The following TET3 variants were observed in gnomAD, a reference collection of about 807,000 sequenced individuals.
TET3 encodes the protein methylcytosine dioxygenase TET3.
A neutral mutation model predicts 141.4 loss-of-function variants in TET3; 19 were observed. That is an observed-to-expected ratio of 0.13 (90% confidence interval 0.09 to 0.20). The LOEUF is 0.20. Among genes scored for constraint, TET3 ranks in the 10% least tolerant of loss-of-function variants. TET3 has a pLI of 1.00. For missense variants in TET3, 1,874 were observed against 2,356.9 expected (o/e 0.80, Z 4.24); for synonymous variants, 1,043 against 980.9 (o/e 1.06, Z -1.18).
chr2:74,078,062 A>G (rs1414237705), intron 5 of TET3, among the ~76,000 whole-genome samples: 2 of 152,220 alleles, frequency 1.3e-5, no homozygotes, highest in African/African-American at 4.8e-5. Context: ...TTAATGTTGT[A>G]ATTATCAGAA....
intron 3 of TET3, among the ~76,000 whole-genome samples, chr2:74,021,459 A>C (rs1047132775): frequency 6.6e-6 from 1 of 152,266 alleles, no homozygotes; most frequent in South Asian, 2.1e-4. Context: ...ATCAGCACTG[A>C]CCACTGAATG....
intron 4 of TET3, 78 bp from the exon 5 acceptor site, chr2:74,073,471 C>G: frequency 8.9e-7 from 1 of 1,121,056 alleles, no homozygotes; most frequent in Non-Finnish European, 1.3e-6. Flanking sequence ...TATTAACTTT[C>G]CTGTTGGTGG....
intron 11 of TET3, among the ~76,000 whole-genome samples, chr2:74,100,179 C>A (rs1691098763): frequency 6.6e-6 from 1 of 152,142 alleles, no homozygotes; most frequent in South Asian, 2.1e-4. Flanking sequence ...CCTCCTCCCA[C>A]CCCCAGTGGG....
At chr2:74,030,787 A>C (rs1686639039) in intron 3 of TET3, among the ~76,000 whole-genome samples, 1 of 152,126 alleles carries the variant, frequency 6.6e-6, no homozygotes, top group African/African-American at 2.4e-5. Flanking sequence ...CCACCTCCTG[A>C]GTTTGTCCTT....
chr2:74,024,296 G>A (rs978831681), intron 3 of TET3, among the ~76,000 whole-genome samples: 24 of 152,230 alleles, frequency 1.6e-4, no homozygotes, highest in Non-Finnish European at 2.9e-4. Context: ...GTTGGAACTT[G>A]TGCAGGTGTG....
chr2:74,127,881 G>C, the TET3 span, among the ~76,000 whole-genome samples: 1 of 152,180 alleles, frequency 6.6e-6, no homozygotes, highest in African/African-American at 2.4e-5. Context: ...GTATTTTCTA[G>C]TCTCAGTTCT....
Position 74,107,370 on chromosome 2 carries a change from T to C in TET3, c.*5194T>C, listed in dbSNP as rs1456389479. The C allele has an allele frequency of 6.6e-6, 1 of 152,258 alleles. No homozygotes were observed. Among genetic ancestry groups the C allele is most frequent in the African/African-American group, 2.4e-5 (1 of 41,464 alleles). 9.4% of individuals were successfully genotyped at this position (152,258 alleles called of 1,614,324 possible). A position where few individuals can be genotyped will look rare whatever the true frequency, so the allele number is the denominator to read the frequency against. The stretch of plus-strand genomic sequence containing the variant: ...ACTTCCTCATTGGCTTCTATTCTGA[T>C]ATCAGGGATGCTTTTTGTAGTGGTA... On this transcript the variant is annotated 3_prime_UTR_variant, in exon 12 of 12. Transcript: ENST00000409262.
chr2:74,030,804 G>A (rs1393411402), intron 3 of TET3, among the ~76,000 whole-genome samples: 2 of 152,150 alleles, frequency 1.3e-5, no homozygotes, highest in Non-Finnish European at 2.9e-5. Flanking sequence ...CCTTGTGAGA[G>A]ATAAATGAGG....
the TET3 span, among the ~76,000 whole-genome samples, chr2:74,117,718 C>A: frequency 6.6e-6 from 1 of 151,890 alleles, no homozygotes; most frequent in Non-Finnish European, 1.5e-5. Context: ...TCTATTTTAT[C>A]ATGTTCTACC....
intron 4 of TET3, among the ~76,000 whole-genome samples, chr2:74,071,782 T>C (rs1181490871): frequency 6.6e-6 from 1 of 152,202 alleles, no homozygotes; most frequent in African/African-American, 2.4e-5. Flanking sequence ...TGTATAGTTT[T>C]TTTGTTTTTA....
At chr2:74,052,988 G>T (rs12620278) in intron 4 of TET3, among the ~76,000 whole-genome samples, 1 of 152,032 alleles carries the variant, frequency 6.6e-6, no homozygotes, top group Admixed American at 6.5e-5. Context: ...ACCCCTTTAT[G>T]TAAAAATGAT....
In TET3 at chr2:73,986,317, G is replaced by A; in HGVS notation, c.-87G>A. 5.1e-6 allele frequency: 6 copies of A among 1,173,502 alleles called. No homozygotes were observed. The highest frequency in any genetic ancestry group is 6.4e-6 in the Non-Finnish European group (6 of 935,310). The allele number at this position is 1,173,502 out of a possible 1,614,324, so 72.7% of individuals were successfully genotyped here. A position where few individuals can be genotyped will look rare whatever the true frequency, so the allele number is the denominator to read the frequency against. On this transcript the variant is annotated 5_prime_UTR_variant, in exon 2 of 12. Transcript: ENST00000409262. ...TTGTAGACTCTTGACTGTTCTAGGC[G>A]AGAAGGACCTGTTGGTGGCCTTTGG... is the stretch of plus-strand genomic sequence containing the variant.
Position 74,102,163 on chromosome 2 carries a change from G to A in TET3, c.5375G>A (p.Ser1792Asn), listed in dbSNP as rs2104238260. The change falls in exon 12 of 12, where the codon AGC (serine) becomes AAC (asparagine). Residue 1792 changes from serine to asparagine, a missense_variant. Ser to Asn is a conservative substitution (Grantham distance 46). Around this residue, in one of 10 missense-constraint regions of TET3, gnomAD observed 113 missense variants for 114.3 expected, o/e 0.99. Transcript: ENST00000409262. Reference sequence around the variant, plus strand: ...TACACGAAGGTCACTGGCCCCTACAGCCGCTGGATCTAGGTGCCAGGGAGC... The same window carrying A: ...TACACGAAGGTCACTGGCCCCTACAACCGCTGGATCTAGGTGCCAGGGAGC... ...YAYTKVTGPY[S>N]RWI is the part of the protein sequence containing the mutation. 6.9e-7 allele frequency: 1 copy of A among 1,446,922 alleles called. No individual in the cohort carries two copies. The highest frequency in any genetic ancestry group is 1.4e-5 in the African/African-American group (1 of 70,158). 89.6% of individuals were successfully genotyped at this position (1,446,922 alleles called of 1,614,324 possible).
chr2:74,020,653 A>G (rs983847870), intron 3 of TET3, among the ~76,000 whole-genome samples: 2 of 152,110 alleles, frequency 1.3e-5, no homozygotes, highest in African/African-American at 2.4e-5. Flanking sequence ...GGTGATGTCT[A>G]CCTGCCTTGG....
At chr2:73,998,759 G>C (rs568220873) in intron 2 of TET3, among the ~76,000 whole-genome samples, 22 of 152,124 alleles carry the variant, frequency 1.4e-4, no homozygotes, top group African/African-American at 5.3e-4. Flanking sequence ...TGGACACCGG[G>C]GACTTCAAAC....
chr2:74,135,310 C>G, the TET3 span: 1 of 514,328 alleles, frequency 1.9e-6, no homozygotes, highest in African/African-American at 2.1e-5. Flanking sequence ...AGACAAAAAG[C>G]TGGCACTGCA....
intron 2 of TET3, among the ~76,000 whole-genome samples, chr2:73,988,354 G>GCCCCCA (rs1226179432): frequency 6.6e-6 from 1 of 152,158 alleles, no homozygotes; most frequent in Non-Finnish European, 1.5e-5. Flanking sequence ...ATCTTACTCG[G>GCCCCCA]TTCCTCCCAT....
the TET3 span, among the ~76,000 whole-genome samples, chr2:74,118,213 C>T: frequency 4.6e-5 from 7 of 152,184 alleles, no homozygotes; most frequent in East Asian, 9.6e-4. Flanking sequence ...TTTAGCACAA[C>T]GCTGTAAATC....
At chr2:74,077,871 A>G (rs1344264901) in intron 5 of TET3, among the ~76,000 whole-genome samples, 1 of 152,242 alleles carries the variant, frequency 6.6e-6, no homozygotes, top group Admixed American at 6.5e-5. Flanking sequence ...ACGACACACC[A>G]GGGGCCCAGG....
Sources: allele counts gnomAD v4.1 joint callset (sites outside exome capture counted in the v4.1 genomes callset), GRCh38; gene constraint gnomAD v4.1.1; regional missense constraint gnomAD v4.1.1; transcripts MANE v1.5; gene names NCBI Gene and HGNC (gene_info 2026-07-23, HGNC 2026-07-21).